FAM91A1: variants seen among roughly 807,000 people sequenced by gnomAD.
FAM91A1 encodes family with sequence similarity 91 member A1, also known as protein FAM91A1.
In FAM91A1, 41 loss-of-function variants were observed where a neutral mutation model predicts 113.5. The ratio of observed to expected loss-of-function variants is 0.36; its 90% CI spans 0.28 to 0.47. The LOEUF (loss-of-function observed/expected upper bound fraction) is 0.47, where lower values mean the gene tolerates loss of function less well. Among genes scored for constraint, FAM91A1 ranks in the 20% least tolerant of loss-of-function variants. The pLI is 1.00. For missense variants in FAM91A1, 696 were observed against 1,001.2 expected, an observed-to-expected ratio of 0.70 and a Z score of 4.11; for synonymous variants, 307 against 347.9, an observed-to-expected ratio of 0.88 and a Z score of 1.31.
chr8:123,795,730 T>C (rs543550859), intron 15 of FAM91A1, among the ~76,000 whole-genome samples: 148 of 152,314 alleles, frequency 9.7e-4, no homozygotes, highest in African/African-American at 3.5e-3. Flanking sequence ...AGGTCTTTAA[T>C]GCATGCGAAA....
chr8:123,787,209 TA>T, intron 12 of FAM91A1, 51 bp from the exon 13 acceptor site: 1 of 1,340,610 alleles, frequency 7.5e-7, no homozygotes, highest in Non-Finnish European at 1.1e-6. Context: ...CTCCAAATGG[TA>T]AGCAAAGAAT....
In FAM91A1 at chr8:123,814,035, C is replaced by G. The variant is rs1816016923; in HGVS notation, c.*1331C>G. ...CAGGAAATATATGCCTTTCCTAAAA[C>G]TTAACCATGCATTCAATACCATGGC... On this transcript the variant is annotated 3_prime_UTR_variant, in exon 24 of 24. Transcript: ENST00000334705. 1 of 290,124 alleles carries G rather than the reference C, an allele frequency of 3.4e-6. No individual in the cohort carries two copies. The highest frequency in any genetic ancestry group is 6.7e-6 in the Non-Finnish European group (1 of 149,676). 18.0% of individuals were successfully genotyped at this position (290,124 alleles called of 1,614,324 possible). A position where few individuals can be genotyped will look rare whatever the true frequency, so the allele number is the denominator to read the frequency against.
At chr8:123,802,330 TGA>T (rs1408425177) in intron 18 of FAM91A1, among the ~76,000 whole-genome samples, 1 of 152,152 alleles carries the variant, frequency 6.6e-6, no homozygotes, top group Non-Finnish European at 1.5e-5. Context: ...ATCAGATATC[TGA>T]GAGAGATGGG....
At position 123,768,782 on chromosome 8, in the gene FAM91A1, C is replaced by G; in HGVS notation, c.72+8C>G. The G allele has an allele frequency of 1.2e-6, 2 of 1,610,386 alleles. No homozygotes were observed. The highest frequency in any genetic ancestry group is 2.2e-5 in the South Asian group (2 of 90,532). ...CCGGCCAACGTGAGACAGGTACGGC[C>G]GGAACCTGGGACCGGGCCCCTGACG... On this transcript the variant is annotated splice_region_variant and intron_variant, in intron 1 of 23. Coordinates refer to ENST00000334705, the MANE Select transcript of FAM91A1 (RefSeq NM_144963.4).
intron 15 of FAM91A1, among the ~76,000 whole-genome samples, chr8:123,796,528 C>T (rs988454782): frequency 2.7e-5 from 4 of 149,140 alleles, no homozygotes; most frequent in Admixed American, 2.0e-4. Context: ...GGCACAATCT[C>T]GGCTCACTGT....
At position 123,784,478 on chromosome 8, in the gene FAM91A1, C is replaced by G; in HGVS notation, c.712C>G (p.Leu238Val). ...TCTTCTGTTTGTTTTAGTTCCACCT[C>G]TTGAAGGTTTTGTAATGAATCGAGT... ...SDDSCIAVPP[L>V]EGFVMNRVQG... The change falls in exon 9 of 24, where the codon CTT (leucine) becomes GTT (valine). Residue 238 changes from leucine to valine, a missense_variant. Physicochemically the swap from Leu to Val is conservative, Grantham distance 32. Transcript: ENST00000334705. The G allele has an allele frequency of 6.2e-7, 1 of 1,600,462 alleles. No homozygotes were observed. Among genetic ancestry groups the G allele is most frequent in the Non-Finnish European group, 8.5e-7 (1 of 1,174,878 alleles).
intron 18 of FAM91A1, among the ~76,000 whole-genome samples, chr8:123,804,347 C>T (rs954803624): frequency 2.0e-5 from 3 of 151,380 alleles, no homozygotes; most frequent in African/African-American, 4.9e-5. Context: ...AATAGTTAGC[C>T]GGGTGTGGTG....
chr8:123,778,012 C>T lies in FAM91A1; in HGVS notation c.368-13C>T. 1 of 1,607,748 alleles carries T rather than the reference C, an allele frequency of 6.2e-7. No individual in the cohort carries two copies. Among genetic ancestry groups the T allele is most frequent in the Non-Finnish European group, 8.5e-7 (1 of 1,175,542 alleles). On this transcript the variant is annotated splice_polypyrimidine_tract_variant and intron_variant, in intron 4 of 23. Transcript: ENST00000334705. The stretch of plus-strand genomic sequence containing the variant: ...ATGTTAAATGTTTTTAAAGGAAAGA[C>T]TCTTTTTTTCAGGTCTAAGGCTTCT...
chr8:123,781,012 C>T (rs774435476), intron 8 of FAM91A1, among the ~76,000 whole-genome samples: 3 of 152,142 alleles, frequency 2.0e-5, no homozygotes, highest in South Asian at 2.1e-4. Flanking sequence ...ATTTGTCATA[C>T]ACTTTATGGA....
intron 6 of FAM91A1, 136 bp from the exon 7 acceptor site, chr8:123,779,849 A>T (rs1815077361): frequency 1.5e-6 from 1 of 666,510 alleles, no homozygotes; most frequent in Non-Finnish European, 2.4e-6. Context: ...TTTTTGTTTG[A>T]ATTATAGAGT....
chr8:123,784,138 C>T (rs951166338), intron 8 of FAM91A1, among the ~76,000 whole-genome samples: 1 of 152,194 alleles, frequency 6.6e-6, no homozygotes, highest in African/African-American at 2.4e-5. Context: ...GTATCAGAAA[C>T]CCTTTGCAGG....
intron 19 of FAM91A1, 45 bp downstream of exon 19, chr8:123,805,384 A>G: frequency 3.6e-6 from 5 of 1,370,578 alleles, no homozygotes; most frequent in South Asian, 2.6e-5. Flanking sequence ...TTTTTTAATT[A>G]TTACTCATGT....
intron 9 of FAM91A1, 28 bp from the exon 10 acceptor site, chr8:123,785,053 A>G: frequency 6.5e-7 from 1 of 1,544,594 alleles, no homozygotes; most frequent in Non-Finnish European, 8.8e-7. Flanking sequence ...CTAAGAATGT[A>G]AAAATAAATT....
chr8:123,790,802 A>G (rs1382362413), intron 15 of FAM91A1, among the ~76,000 whole-genome samples: 1 of 152,212 alleles, frequency 6.6e-6, no homozygotes, highest in Non-Finnish European at 1.5e-5. Flanking sequence ...GCCTTATCTG[A>G]AGAATTACAG....
intron 11 of FAM91A1, chr8:123,786,276 G>T: frequency 4.0e-6 from 2 of 501,278 alleles, no homozygotes. Context: ...ATAAAATCTT[G>T]AAGGGTTCTT....
At chr8:123,773,965 A>G in intron 1 of FAM91A1, 115 bp from the exon 2 acceptor site, 1 of 749,740 alleles carries the variant, frequency 1.3e-6, no homozygotes, top group Non-Finnish European at 2.2e-6. Flanking sequence ...TAATTCTGCA[A>G]ATTAGAGATG....
intron 1 of FAM91A1, 75 bp downstream of exon 1, chr8:123,768,849 G>A: frequency 1.4e-6 from 2 of 1,421,700 alleles, no homozygotes; most frequent in African/African-American, 2.8e-5. Flanking sequence ...CTCGCTCGCG[G>A]GGCCCGAGCG....
At chr8:123,804,514 A>C (rs945837613) in intron 18 of FAM91A1, among the ~76,000 whole-genome samples, 6 of 149,186 alleles carry the variant, frequency 4.0e-5, no homozygotes, top group African/African-American at 1.3e-4. Flanking sequence ...AAAAAAAAAA[A>C]AAAAAAAGAG....
chr8:123,781,602 C>T (rs750932828), intron 8 of FAM91A1, among the ~76,000 whole-genome samples: 5 of 151,678 alleles, frequency 3.3e-5, no homozygotes, highest in African/African-American at 4.9e-5. Flanking sequence ...CTCAGTCTCC[C>T]GAATAGCTGG....
Sources: gnomAD v4.1 joint callset for allele counts (sites outside exome capture counted in the v4.1 genomes callset) on GRCh38, gnomAD v4.1.1 for gene constraint, MANE v1.5 for transcripts, NCBI Gene and HGNC (gene_info 2026-07-23, HGNC 2026-07-21) for gene names.